ABCA13: variants seen among roughly 807,000 people sequenced by gnomAD.
ABCA13 encodes the protein ATP binding cassette subfamily A member 13, also known as ATP-binding cassette sub-family A member 13.
A neutral mutation model predicts 478.7 loss-of-function variants in ABCA13; 476 were observed. The observed-to-expected ratio is 0.99, with a 90% CI of 0.92 to 1.07. The LOEUF (loss-of-function observed/expected upper bound fraction) is 1.07. Ranked by LOEUF, ABCA13 falls within the 50% of genes least tolerant of loss-of-function variation. The pLI is 0.00. For synonymous variants in ABCA13, 2,252 were observed against 2,158.9 expected (o/e 1.04, Z -1.20); for missense variants, 6,060 against 5,910.6 (o/e 1.03, Z -0.83).
chr7:48,317,285 G>T lies in ABCA13; in HGVS notation c.9988G>T (p.Val3330Phe), dbSNP rs1184248276. 1.2e-6 allele frequency: 2 copies of T among 1,612,730 alleles called. No individual in the cohort carries two copies. ...ACCAAACACTCCAGAAATTAACAAGGTCATTCAAAAGGTAAGTTAAAATAA... is the reference window on the plus strand; with the variant it reads ...ACCAAACACTCCAGAAATTAACAAGTTCATTCAAAAGGTAAGTTAAAATAA... The part of the protein sequence containing the change: ...YTPNTPEINK[V>F]IQKANYTFYI... The change falls in exon 27 of 62, where the codon GTC (valine) becomes TTC (phenylalanine). Residue 3330 changes from valine to phenylalanine, a missense_variant. Transcript: ENST00000435803.
intron 1 of ABCA13, among the ~76,000 whole-genome samples, chr7:48,184,911 C>G (rs951337251): frequency 6.6e-5 from 10 of 152,198 alleles, no homozygotes; most frequent in African/African-American, 2.4e-4. Context: ...ACACAGCTCA[C>G]TGTAGCCTCA....
intron 55 of ABCA13, among the ~76,000 whole-genome samples, chr7:48,528,836 A>T (rs1833043765): frequency 6.6e-6 from 1 of 152,070 alleles, no homozygotes; most frequent in African/African-American, 2.4e-5. Flanking sequence ...AGCGGCCTCT[A>T]GGGGAGTAGG....
At chr7:48,313,843 T>C (rs750504169) in intron 25 of ABCA13, among the ~76,000 whole-genome samples, 14 of 152,172 alleles carry the variant, frequency 9.2e-5, no homozygotes, top group Non-Finnish European at 1.5e-5. Flanking sequence ...TGATAGATAA[T>C]TTGTATAGCT....
rs1271166241 is a variant in ABCA13, at chr7:48,643,291, T to C, written c.14841T>C (p.Phe4947=). 6.3e-7 allele frequency: 1 copy of C among 1,593,844 alleles called. No individual in the cohort carries two copies. The highest frequency in any genetic ancestry group is 1.3e-5 in the African/African-American group (1 of 74,090). Residue 4947 remains phenylalanine, a synonymous_variant, in exon 60 of 62, where the codon TTT becomes TTC. Coordinates refer to ENST00000435803, the MANE Select transcript of ABCA13 (RefSeq NM_152701.5). ...TTCTATTTTATTTAACTCTCAGGTT[T>C]GGTGATGGTTATACAGTCAAAGTTT... ...LGSPQHIKNR[F]GDGYTVKVWL...
chr7:48,271,069 C>A (rs1230174821), intron 16 of ABCA13, among the ~76,000 whole-genome samples: 3 of 152,178 alleles, frequency 2.0e-5, no homozygotes, highest in Non-Finnish European at 4.4e-5. Context: ...GAATACATAT[C>A]TGATACCTGT....
At chr7:48,242,127 T>G (rs1263494942) in intron 10 of ABCA13, among the ~76,000 whole-genome samples, 1 of 152,024 alleles carries the variant, frequency 6.6e-6, no homozygotes, top group Non-Finnish European at 1.5e-5. Flanking sequence ...GTCTGTCACT[T>G]AATGCACATT....
In ABCA13 at chr7:48,412,419, A is replaced by G; in HGVS notation, c.12295A>G (p.Ile4099Val). ...TGTTACATCCCTGATAAAGATCTAT[A>G]TTCCACAAGCATTTCTCAAAGACAG... ...ACVTSLIKIYIPQAFLKDSSG... is the reference protein window; with the variant it reads ...ACVTSLIKIYVPQAFLKDSSG... The change falls in exon 41 of 62, where the codon ATT becomes GTT. Residue 4099 changes from isoleucine (I) to valine (V), a missense_variant. By Grantham distance (29) the Ile-to-Val change is conservative (BLOSUM62 3). Transcript: ENST00000435803. 8 of 1,613,466 alleles carry G rather than the reference A, an allele frequency of 5.0e-6. No homozygotes were observed. The highest frequency in any genetic ancestry group is 6.8e-6 in the Non-Finnish European group (8 of 1,179,816).
intron 3 of ABCA13, among the ~76,000 whole-genome samples, chr7:48,215,001 C>T (rs1786230692): frequency 6.6e-6 from 1 of 152,096 alleles, no homozygotes; most frequent in African/African-American, 2.4e-5. Context: ...AACATGCTTT[C>T]CTCACTAAAC....
intron 41 of ABCA13, among the ~76,000 whole-genome samples, chr7:48,418,778 G>A (rs1181920445): frequency 2.6e-5 from 4 of 152,134 alleles, no homozygotes; most frequent in South Asian, 2.1e-4. Flanking sequence ...ATTAGACACT[G>A]TTATATTTTA....
intron 22 of ABCA13, 140 bp from the exon 23 acceptor site, chr7:48,298,226 A>T (rs1799674400): frequency 4.1e-6 from 3 of 730,124 alleles, no homozygotes; most frequent in Non-Finnish European, 6.4e-6. Flanking sequence ...GGAGTAAGGT[A>T]TGACTTTATT....
At chr7:48,238,685 G>T (rs1424182723) in intron 8 of ABCA13, among the ~76,000 whole-genome samples, 4 of 152,162 alleles carry the variant, frequency 2.6e-5, no homozygotes, top group Non-Finnish European at 5.9e-5. Flanking sequence ...AGCCAGGATG[G>T]TCTCTATCTC....
intron 55 of ABCA13, among the ~76,000 whole-genome samples, chr7:48,567,234 C>A (rs1282916869): frequency 6.6e-6 from 1 of 152,046 alleles, no homozygotes; most frequent in Non-Finnish European, 1.5e-5. Context: ...AGACCTTTTC[C>A]ATTGTTGAAT....
At chr7:48,601,969 A>G (rs897885903) in intron 58 of ABCA13, among the ~76,000 whole-genome samples, 1 of 152,210 alleles carries the variant, frequency 6.6e-6, no homozygotes, top group Non-Finnish European at 1.5e-5. Flanking sequence ...TTCTCTAATG[A>G]CCAGTGATGA....
intron 41 of ABCA13, among the ~76,000 whole-genome samples, chr7:48,420,570 A>T (rs1373444504): frequency 6.6e-6 from 1 of 152,050 alleles, no homozygotes; most frequent in African/African-American, 2.4e-5. Context: ...CTGAGATGTG[A>T]AGTTTCTTTC....
chr7:48,211,498 G>A (rs1263270928), intron 3 of ABCA13, among the ~76,000 whole-genome samples: 1 of 152,108 alleles, frequency 6.6e-6, no homozygotes, highest in East Asian at 1.9e-4. Context: ...TTCCACACTG[G>A]GCTGCCTGGA....
intron 20 of ABCA13, among the ~76,000 whole-genome samples, chr7:48,295,200 T>C (rs1427147053): frequency 6.6e-6 from 1 of 152,316 alleles, no homozygotes; most frequent in Middle Eastern, 3.4e-3. Flanking sequence ...TCGTTATTTC[T>C]TGTCTTTTTG....
At chr7:48,442,906 C>T (rs935605113) in intron 42 of ABCA13, among the ~76,000 whole-genome samples, 10 of 152,232 alleles carry the variant, frequency 6.6e-5, no homozygotes, top group African/African-American at 2.2e-4. Context: ...GCTGGTGGTA[C>T]GGACTGAACT....
At chr7:48,542,080 A>G (rs1170022462) in intron 55 of ABCA13, among the ~76,000 whole-genome samples, 3 of 151,686 alleles carry the variant, frequency 2.0e-5, no homozygotes. Context: ...TTTGATGTGA[A>G]GTCATTGCAG....
chr7:48,311,630 T>C (rs557252060), intron 24 of ABCA13, among the ~76,000 whole-genome samples: 1 of 152,184 alleles, frequency 6.6e-6, no homozygotes, highest in Non-Finnish European at 1.5e-5. Context: ...AAGGATAAGA[T>C]AGTGGGTTGG....
Sources: gnomAD v4.1 joint callset for allele counts (sites outside exome capture counted in the v4.1 genomes callset) on GRCh38, gnomAD v4.1.1 for gene constraint, MANE v1.5 for transcripts, NCBI Gene and HGNC (gene_info 2026-07-23, HGNC 2026-07-21) for gene names.